Variants in BNC2 observed in about 807,000 individuals in gnomAD.
BNC2 encodes basonuclin zinc finger protein 2, also known as zinc finger protein basonuclin-2.
BNC2 carries 20 observed loss-of-function variants against 76.3 expected under a neutral mutation model. The observed-to-expected ratio is 0.26, with a 90% CI of 0.18 to 0.38. BNC2 has a LOEUF of 0.38. BNC2 is among the 10% of genes least tolerant of loss of function. The probability of loss-of-function intolerance (pLI) is 1.00; values close to 1 mark genes in which losing one functional copy is unlikely to be tolerated. For synonymous variants in BNC2, 582 were observed against 514.8 expected (o/e 1.13, Z -1.77); for missense variants, 1,382 against 1,399.8 (o/e 0.99, Z 0.20).
chr9:16,662,478 G>C (rs183034949), intron 3 of BNC2, among the ~76,000 whole-genome samples: 20 of 152,318 alleles, frequency 1.3e-4, no homozygotes, highest in Non-Finnish European at 2.2e-4. Context: ...GCTCATGTCT[G>C]TAATTCCAGC....
At chr9:16,783,863 T>C (rs1401373805) in intron 1 of BNC2, among the ~76,000 whole-genome samples, 1 of 152,158 alleles carries the variant, frequency 6.6e-6, no homozygotes, top group Non-Finnish European at 1.5e-5. Flanking sequence ...GCCAAAACTG[T>C]ATTGGTAAAT....
chr9:16,649,460 T>C (rs1342990916), intron 3 of BNC2, among the ~76,000 whole-genome samples: 1 of 152,242 alleles, frequency 6.6e-6, no homozygotes, highest in East Asian at 1.9e-4. Context: ...TTATGAACTA[T>C]CACTAAACTC....
At position 16,435,675 on chromosome 9, in the gene BNC2, T is replaced by C. The variant is rs1820992956; in HGVS notation, c.2519A>G (p.Lys840Arg). The change falls in exon 6 of 7, where the codon AAG becomes AGG. Residue 840 changes from lysine to arginine, a missense_variant. By Grantham distance (26) the Lys-to-Arg change is conservative. Transcript: ENST00000380672. ...PDPKICYVCK[K>R]SFKSSYSVKL... The stretch of plus-strand genomic sequence containing the variant: ...CACACTGTAGGAGCTTTTGAAACTC[T>C]TCTTGCACACATAACAGATTTTGGG... The C allele has an allele frequency of 3.1e-6, 5 of 1,614,140 alleles. No homozygotes were observed. Among genetic ancestry groups the C allele is most frequent in the Non-Finnish European group, 3.4e-6 (4 of 1,180,034 alleles).
chr9:16,751,652 A>ATATATATGTATATATGTGTG (rs775227367), intron 1 of BNC2, among the ~76,000 whole-genome samples: 4 of 86,930 alleles, frequency 4.6e-5, no homozygotes, highest in Middle Eastern at 5.4e-3. Flanking sequence ...GTATGTGTGT[A>ATATATATGTATATATGTGTG]TATATATATG....
At chr9:16,593,210 G>A (rs1285743566) in intron 3 of BNC2, among the ~76,000 whole-genome samples, 1 of 152,042 alleles carries the variant, frequency 6.6e-6, no homozygotes, top group Non-Finnish European at 1.5e-5. Context: ...TTGGCTTAGG[G>A]GGAATAGGCA....
intron 3 of BNC2, among the ~76,000 whole-genome samples, chr9:16,670,844 G>A (rs905938345): frequency 6.6e-6 from 1 of 152,120 alleles, no homozygotes; most frequent in Non-Finnish European, 1.5e-5. Context: ...CAAAAACAAT[G>A]TATGGGTTCC....
chr9:16,629,372 C>T (rs1821094567), intron 3 of BNC2, among the ~76,000 whole-genome samples: 1 of 152,160 alleles, frequency 6.6e-6, no homozygotes, highest in South Asian at 2.1e-4. Context: ...TCAGAAGATT[C>T]ACTACATTAA....
intron 5 of BNC2, among the ~76,000 whole-genome samples, chr9:16,540,562 C>T (rs538069432): frequency 6.6e-6 from 1 of 152,084 alleles, no homozygotes; most frequent in East Asian, 1.9e-4. Context: ...TTTCAATAGC[C>T]TTATAAGGCA....
intron 1 of BNC2, among the ~76,000 whole-genome samples, chr9:16,761,919 C>T (rs530062549): frequency 6.6e-6 from 1 of 152,100 alleles, no homozygotes; most frequent in African/African-American, 2.4e-5. Context: ...AATCAGTCCA[C>T]AAATAAGGTA....
chr9:16,844,688 G>A (rs921991849), intron 1 of BNC2, among the ~76,000 whole-genome samples: 4 of 151,790 alleles, frequency 2.6e-5, no homozygotes, highest in Admixed American at 6.6e-5. Context: ...TAGTAGAGAC[G>A]GGTTTTCACC....
intron 3 of BNC2, among the ~76,000 whole-genome samples, chr9:16,724,575 T>C (rs745829150): frequency 2.0e-5 from 3 of 152,010 alleles, no homozygotes; most frequent in Non-Finnish European, 4.4e-5. Context: ...CACAGGAAAA[T>C]GTAGTCAAAT....
At chr9:16,856,369 T>C (rs7047512) in intron 1 of BNC2, among the ~76,000 whole-genome samples, 22,593 of 152,198 alleles carry the variant, frequency 0.15, 2,474 homozygotes, top group African/African-American at 0.31. Context: ...GACTGGTTGC[T>C]GTTTACAGAC....
chr9:16,518,258 T>C (rs912304629), intron 5 of BNC2, among the ~76,000 whole-genome samples: 9 of 152,098 alleles, frequency 5.9e-5, no homozygotes, highest in Non-Finnish European at 2.9e-5. Flanking sequence ...GGAGACCCTG[T>C]CTCTATTAAA....
chr9:16,616,824 G>GAAGGAAGGAAGGAAGGAAGGAAGA, intron 3 of BNC2, among the ~76,000 whole-genome samples: 1 of 150,876 alleles, frequency 6.6e-6, no homozygotes, highest in African/African-American at 2.4e-5. Context: ...AGGAAGAAAG[G>GAAGGAAGGAAGGAAGGAAGGAAGA]AAGGAAGGAA....
intron 5 of BNC2, among the ~76,000 whole-genome samples, chr9:16,497,962 T>G (rs1278224040): frequency 7.0e-6 from 1 of 143,796 alleles, no homozygotes; most frequent in Non-Finnish European, 1.5e-5. Context: ...GATCAATGAG[T>G]GGATAAAGAA....
chr9:16,557,127 G>A lies in BNC2; in HGVS notation c.434-4362C>T, dbSNP rs561426003. On this transcript the variant is annotated intron_variant, in intron 4 of 6. Transcript: ENST00000380672. ...AAGAACTCATTTATCAGGATGGAGTGGGAAAAGATGTCACCTACTTTAATA... is the reference window on the plus strand; with the variant it reads ...AAGAACTCATTTATCAGGATGGAGTAGGAAAAGATGTCACCTACTTTAATA... Among the ~76,000 whole-genome samples, 49 of 152,184 alleles carry A rather than the reference G, an allele frequency of 3.2e-4. 2 individuals carry two copies. In the South Asian group the frequency reaches 9.1e-3, roughly 28 times the overall value.
chr9:16,605,429 C>T (rs934314341), intron 3 of BNC2, among the ~76,000 whole-genome samples: 1 of 152,176 alleles, frequency 6.6e-6, no homozygotes, highest in African/African-American at 2.4e-5. Context: ...AACAACAAAG[C>T]ACAGACATTA....
chr9:16,741,453 CA>C (rs568694595), intron 1 of BNC2, among the ~76,000 whole-genome samples: 78 of 125,422 alleles, frequency 6.2e-4, no homozygotes, highest in Non-Finnish European at 5.9e-4. Flanking sequence ...AACTCCATTT[CA>C]AAAAAAAAAA....
At chr9:16,706,206 TCTACCACTGATTCTC>T (rs1439611601) in intron 3 of BNC2, among the ~76,000 whole-genome samples, 1 of 152,232 alleles carries the variant, frequency 6.6e-6, no homozygotes, top group East Asian at 1.9e-4. Context: ...CCTTTCTTCT[TCTACCACTGATTCTC>T]CTACCACTGA....
Sources: allele counts gnomAD v4.1 joint callset (sites outside exome capture counted in the v4.1 genomes callset), GRCh38; gene constraint gnomAD v4.1.1; transcripts MANE v1.5; gene names NCBI Gene and HGNC (gene_info 2026-07-23, HGNC 2026-07-21).